The following CMC1 variants were observed in gnomAD, a reference collection of about 807,000 sequenced individuals.
The protein encoded by CMC1 is COX assembly mitochondrial protein homolog.
Under a neutral mutation model 14.1 loss-of-function variants are expected in CMC1, and 14 were observed. The ratio of observed to expected loss-of-function variants is 0.99; its 90% confidence interval spans 0.66 to 1.55. The LOEUF (loss-of-function observed/expected upper bound fraction) is 1.55, where lower values mean the gene tolerates loss of function less well. CMC1 is among the 40% of genes most tolerant of loss of function. The pLI is 0.00. For missense variants in CMC1, 127 were observed against 123.8 expected (o/e 1.03, Z -0.12); for synonymous variants, 50 against 38.4 (o/e 1.30, Z -1.12).
At chr3:28,290,199 T>C (rs1328600171) in intron 2 of CMC1, among the ~76,000 whole-genome samples, 1 of 152,026 alleles carries the variant, frequency 6.6e-6, no homozygotes, top group African/African-American at 2.4e-5. Context: ...TATTCTTGTC[T>C]GTAACCATAA....
Position 28,321,325 on chromosome 3 carries a change from AC to A in CMC1, c.*1697del, listed in dbSNP as rs1292016469. 6.6e-6 allele frequency: 1 copy of A among 151,496 alleles called. No homozygotes were observed. The highest frequency in any genetic ancestry group is 2.4e-5 in the African/African-American group (1 of 41,364). The allele number at this position is 151,496 out of a possible 1,614,324, so 9.4% of individuals were successfully genotyped here. On this transcript the variant is annotated 3_prime_UTR_variant, in exon 4 of 4. Coordinates refer to ENST00000466830, the MANE Select transcript of CMC1 (RefSeq NM_182523.2). ...TTACTTTAAGAAGCTAGTGAAATAT[AC>A]AATCTATTTTATAGCTTTGATTAAA... is the stretch of plus-strand genomic sequence containing the variant.
Position 28,241,671 on chromosome 3 carries a change from T to C in CMC1, c.-123T>C, listed in dbSNP as rs776075890. 1 of 1,234,578 alleles carries C rather than the reference T, an allele frequency of 8.1e-7. No homozygotes were observed. The highest frequency in any genetic ancestry group is 1.0e-6 in the Non-Finnish European group (1 of 987,708). The allele number at this position is 1,234,578 out of a possible 1,614,324, so 76.5% of individuals were successfully genotyped here. ...CTGGCGGTGCTTTGCAAAGGGCCCGTGTTTCTGTTGCGGGAAGCTCCCGGG... is the reference window on the plus strand; with the variant it reads ...CTGGCGGTGCTTTGCAAAGGGCCCGCGTTTCTGTTGCGGGAAGCTCCCGGG... On this transcript the variant is annotated 5_prime_UTR_variant, in exon 1 of 4. Coordinates refer to ENST00000466830, the MANE Select transcript of CMC1 (RefSeq NM_182523.2).
intron 2 of CMC1, among the ~76,000 whole-genome samples, chr3:28,313,798 A>G (rs767825008): frequency 5.9e-5 from 9 of 152,238 alleles, no homozygotes; most frequent in Admixed American, 1.3e-4. Context: ...TCTTAATGCA[A>G]TGCCTAAGCA....
At chr3:28,286,625 A>G (rs1219149389) in intron 2 of CMC1, among the ~76,000 whole-genome samples, 1 of 152,204 alleles carries the variant, frequency 6.6e-6, no homozygotes, top group African/African-American at 2.4e-5. Flanking sequence ...TTACATAATG[A>G]TATTTTGCAT....
At chr3:28,264,864 T>C (rs1051558901) in intron 2 of CMC1, among the ~76,000 whole-genome samples, 2 of 152,184 alleles carry the variant, frequency 1.3e-5, no homozygotes, top group African/African-American at 4.8e-5. Context: ...TCTTTATACC[T>C]AGAATGAAAG....
chr3:28,300,191 GTTAAA>G lies in CMC1; in HGVS notation c.110-16136_110-16132del, dbSNP rs529148109. 3.8e-3 allele frequency among the ~76,000 whole-genome samples: 571 copies of G among 152,172 alleles called. 1 individual carries two copies. Among genetic ancestry groups the G allele is most frequent in the African/African-American group, 0.013 (520 of 41,520 alleles). ...CGATTTTGGCAGTTGGTGTGACAGT[GTTAAA>G]TTAAAAGAAAGCCAGTAGTGTGACT... On this transcript the variant is annotated intron_variant, in intron 2 of 3. Coordinates refer to ENST00000466830, the MANE Select transcript of CMC1 (RefSeq NM_182523.2).
intron 2 of CMC1, among the ~76,000 whole-genome samples, chr3:28,293,303 G>A (rs1254055014): frequency 6.6e-6 from 1 of 151,602 alleles, no homozygotes; most frequent in East Asian, 1.9e-4. Flanking sequence ...TACAAATAGA[G>A]GGACTTTTTT....
intron 2 of CMC1, among the ~76,000 whole-genome samples, chr3:28,309,821 C>CCACACACACA (rs57499697): frequency 0.038 from 4,999 of 131,788 alleles, 271 homozygotes; most frequent in African/African-American, 0.1. Flanking sequence ...CTGATATTTA[C>CCACACACACA]CACACACACA....
chr3:28,274,218 T>TTTG (rs1331676612), intron 2 of CMC1, among the ~76,000 whole-genome samples: 1 of 127,548 alleles, frequency 7.8e-6, no homozygotes, highest in African/African-American at 3.2e-5. Context: ...TTTTGTTTTT[T>TTTG]TCTTTTTTTT....
intron 2 of CMC1, among the ~76,000 whole-genome samples, chr3:28,307,988 G>T (rs1172810654): frequency 6.6e-6 from 1 of 152,084 alleles, no homozygotes; most frequent in African/African-American, 2.4e-5. Flanking sequence ...CTCTGACTCT[G>T]CTTCCATCAT....
intron 1 of CMC1, among the ~76,000 whole-genome samples, chr3:28,258,053 A>G (rs1427815314): frequency 1.1e-5 from 1 of 90,472 alleles, no homozygotes; most frequent in Non-Finnish European, 2.2e-5. Context: ...AATGATTTTG[A>G]GCACCTTTAT....
intron 2 of CMC1, chr3:28,297,033 A>G (rs1221929041): frequency 2.6e-5 from 4 of 151,986 alleles, no homozygotes; most frequent in East Asian, 1.9e-4. Context: ...ATTTCTTGCC[A>G]TCTTTCCAGA....
chr3:28,266,686 T>A (rs1700021231), intron 2 of CMC1, among the ~76,000 whole-genome samples: 1 of 152,110 alleles, frequency 6.6e-6, no homozygotes, highest in Admixed American at 6.5e-5. Context: ...GCACCTTTCC[T>A]TTTTGAACTT....
chr3:28,313,031 A>G (rs1252068760), intron 2 of CMC1, among the ~76,000 whole-genome samples: 1 of 151,862 alleles, frequency 6.6e-6, no homozygotes, highest in Non-Finnish European at 1.5e-5. Flanking sequence ...TGATTTTTAT[A>G]TTTTTAGTAG....
At chr3:28,316,766 A>T (rs1334091044) in intron 3 of CMC1, 1 of 160,620 alleles carries the variant, frequency 6.2e-6, no homozygotes, top group Non-Finnish European at 1.4e-5. Flanking sequence ...ACTGAATGAA[A>T]ATATCTCTGA....
chr3:28,251,384 A>T (rs970845825), intron 1 of CMC1, among the ~76,000 whole-genome samples: 1 of 152,200 alleles, frequency 6.6e-6, no homozygotes, highest in Non-Finnish European at 1.5e-5. Context: ...CATTACTGCT[A>T]GAAGGGCACA....
At chr3:28,298,035 T>C (rs995032606) in intron 2 of CMC1, among the ~76,000 whole-genome samples, 1 of 151,840 alleles carries the variant, frequency 6.6e-6, no homozygotes, top group African/African-American at 2.4e-5. Flanking sequence ...GGATGGAGCC[T>C]TTTGTGAAGG....
intron 2 of CMC1, among the ~76,000 whole-genome samples, chr3:28,278,044 C>CTGATTGTGTGATTGAGG (rs1700673785): frequency 7.0e-6 from 1 of 143,618 alleles, no homozygotes; most frequent in African/African-American, 2.6e-5. Flanking sequence ...CCATTTTTGT[C>CTGATTGTGTGATTGAGG]TGATTGTGTG....
intron 2 of CMC1, among the ~76,000 whole-genome samples, chr3:28,309,768 A>G (rs921668921): frequency 6.6e-6 from 1 of 151,540 alleles, no homozygotes; most frequent in Non-Finnish European, 1.5e-5. Flanking sequence ...ACATTTTAAC[A>G]TTGCCTACTG....
Sources: allele counts gnomAD v4.1 joint callset (sites outside exome capture counted in the v4.1 genomes callset), GRCh38; gene constraint gnomAD v4.1.1; transcripts MANE v1.5; gene names NCBI Gene and HGNC (gene_info 2026-07-23, HGNC 2026-07-21).